Variants in ABI3BP observed in about 807,000 individuals in gnomAD.
ABI3BP encodes the protein ABI family member 3 binding protein, also known as target of Nesh-SH3.
ABI3BP carries 216 observed loss-of-function variants against 268.6 expected under a neutral mutation model. That is an observed-to-expected ratio of 0.80 (90% CI 0.72 to 0.90). The LOEUF is 0.90. Ranked by LOEUF, ABI3BP falls within the 40% of genes least tolerant of loss-of-function variation. ABI3BP has a pLI of 0.00. For missense variants in ABI3BP, 2,090 were observed against 2,182.4 expected (o/e 0.96, Z 0.84); for synonymous variants, 730 against 730.0 (o/e 1.00, Z 0.00).
chr3:100,884,324 C>A (rs2040857974), intron 6 of ABI3BP, among the ~76,000 whole-genome samples: 1 of 151,988 alleles, frequency 6.6e-6, no homozygotes, highest in South Asian at 2.1e-4. Context: ...CCTGCAATCT[C>A]TTTTTTGTAT....
At chr3:100,902,164 G>A (rs1437942476) in intron 3 of ABI3BP, among the ~76,000 whole-genome samples, 2 of 152,168 alleles carry the variant, frequency 1.3e-5, no homozygotes, top group Non-Finnish European at 2.9e-5. Context: ...CTTTTAAAAT[G>A]TAAACAGTCT....
At chr3:100,792,540 T>A in intron 55 of ABI3BP, 151 bp downstream of exon 55, 1 of 717,336 alleles carries the variant, frequency 1.4e-6, no homozygotes. Flanking sequence ...CATATGAGTA[T>A]TCAGATTTGG....
chr3:100,920,571 C>T (rs530342382), intron 2 of ABI3BP, among the ~76,000 whole-genome samples: 6 of 152,044 alleles, frequency 3.9e-5, no homozygotes, highest in African/African-American at 9.6e-5. Context: ...TACAGGCACC[C>T]GCCCCCATGC....
chr3:100,893,922 GAA>G (rs1358290675), intron 4 of ABI3BP, among the ~76,000 whole-genome samples: 1 of 152,138 alleles, frequency 6.6e-6, no homozygotes, highest in Non-Finnish European at 1.5e-5. Flanking sequence ...GGAAAGAAGA[GAA>G]GAGAGGTAAA....
intron 13 of ABI3BP, 40 bp from the exon 14 acceptor site, chr3:100,862,425 T>G: frequency 6.9e-7 from 1 of 1,455,938 alleles, no homozygotes; most frequent in African/African-American, 1.4e-5. Flanking sequence ...AGATTTTTTT[T>G]TTTTTTAACA....
chr3:100,935,593 ATTCTTCCT>A lies in ABI3BP; in HGVS notation c.80-9120_80-9113del, dbSNP rs1191869459. Among the ~76,000 whole-genome samples, 329 of 152,282 alleles carry A rather than the reference ATTCTTCCT, an allele frequency of 2.2e-3. 1 individual carries two copies. The highest frequency in any genetic ancestry group is 7.5e-3 in the African/African-American group (310 of 41,558). On this transcript the variant is annotated intron_variant, in intron 1 of 67. Coordinates refer to ENST00000471714, the MANE Select transcript of ABI3BP (RefSeq NM_001375547.2). ...CAGTATGGCCATTTTCACGATATTG[ATTCTTCCT>A]ATCCATGAGCACGGAATGTTTTTCC...
At chr3:100,962,271 C>T (rs1182672568) in intron 1 of ABI3BP, among the ~76,000 whole-genome samples, 1 of 152,146 alleles carries the variant, frequency 6.6e-6, no homozygotes, top group East Asian at 1.9e-4. Context: ...ACGTCAGCAC[C>T]CATCCCTCTC....
At chr3:100,892,971 G>C (rs1288717604) in intron 4 of ABI3BP, among the ~76,000 whole-genome samples, 1 of 152,224 alleles carries the variant, frequency 6.6e-6, no homozygotes, top group Non-Finnish European at 1.5e-5. Flanking sequence ...CTGTGAGGGT[G>C]TTGCCAAAAG....
rs563574565 is a variant in ABI3BP at position 100,806,301 on chromosome 3, A to T, written c.3683-1435T>A. Among the ~76,000 whole-genome samples the T allele has an allele frequency of 2.0e-5, 3 of 152,244 alleles. No individual in the cohort carries two copies. The South Asian group carries it at 6.2e-4, about 32-fold the overall frequency. ...GATGATATTACAGCCCAACAACAAT[A>T]GTTTGTATTGGTATCATGCATATAA... is the stretch of plus-strand genomic sequence containing the variant. On this transcript the variant is annotated intron_variant, in intron 50 of 67. Coordinates refer to ENST00000471714, the MANE Select transcript of ABI3BP (RefSeq NM_001375547.2).
chr3:100,862,812 T>G, intron 13 of ABI3BP, 26 bp downstream of exon 13: 1 of 1,462,572 alleles, frequency 6.8e-7, no homozygotes, highest in Non-Finnish European at 9.2e-7. Context: ...ACAGCCTTAA[T>G]ATTAAATTTA....
At chr3:100,902,397 C>T (rs979191658) in intron 3 of ABI3BP, among the ~76,000 whole-genome samples, 1 of 152,136 alleles carries the variant, frequency 6.6e-6, no homozygotes, top group African/African-American at 2.4e-5. Context: ...TTATGTAATT[C>T]CCTGCAGTTT....
At chr3:100,753,088 A>T (rs1286068008) in intron 65 of ABI3BP, 140 bp from the exon 66 acceptor site, 2 of 701,504 alleles carry the variant, frequency 2.9e-6, no homozygotes, top group Non-Finnish European at 4.6e-6. Flanking sequence ...TATTAGAGGG[A>T]TTTAAACAAG....
intron 2 of ABI3BP, among the ~76,000 whole-genome samples, chr3:100,920,559 A>T (rs2153609270): frequency 6.6e-6 from 1 of 152,032 alleles, no homozygotes; most frequent in South Asian, 2.1e-4. Context: ...AGTAGCTGGG[A>T]TTACAGGCAC....
chr3:100,830,698 A>G (rs1414487818), intron 31 of ABI3BP, 64 bp from the exon 32 acceptor site: 6 of 1,339,244 alleles, frequency 4.5e-6, no homozygotes, highest in African/African-American at 4.4e-5. Context: ...TGGAACATTC[A>G]TCTTACCACC....
At chr3:100,893,871 T>A (rs550799911) in intron 4 of ABI3BP, among the ~76,000 whole-genome samples, 1 of 152,092 alleles carries the variant, frequency 6.6e-6, no homozygotes, top group African/African-American at 2.4e-5. Flanking sequence ...ATGGGAAAGA[T>A]GGGATCATGA....
chr3:100,755,731 T>A (rs888519233), intron 63 of ABI3BP, among the ~76,000 whole-genome samples: 1 of 152,212 alleles, frequency 6.6e-6, no homozygotes, highest in Non-Finnish European at 1.5e-5. Flanking sequence ...TGCCTGAAAT[T>A]AAGATTTCCC....
At chr3:100,846,647 A>G in intron 19 of ABI3BP, 1 of 420,848 alleles carries the variant, frequency 2.4e-6, no homozygotes, top group Non-Finnish European at 4.2e-6. Context: ...CTTGTTTAGA[A>G]AAAACATTTC....
In ABI3BP at chr3:100,749,318, C is replaced by CAAACAAAAACTCAATCTTAAAAAA. The variant is rs2095192988; in HGVS notation, c.*1153_*1176dup. The CAAACAAAAACTCAATCTTAAAAAA allele has an allele frequency of 1.5e-5, 1 of 65,002 alleles. No homozygotes were observed. The highest frequency in any genetic ancestry group is 2.7e-5 in the Non-Finnish European group (1 of 36,412). 4.0% of individuals were successfully genotyped at this position (65,002 alleles called of 1,614,324 possible). On this transcript the variant is annotated 3_prime_UTR_variant, in exon 68 of 68. Coordinates refer to ENST00000471714, the MANE Select transcript of ABI3BP (RefSeq NM_001375547.2). Reference sequence around the variant, plus strand: ...ATACTGATGAACCATTCAGAAATAACAAACAAAAACTCAATCTTAAAAAAA... The same window carrying CAAACAAAAACTCAATCTTAAAAAA: ...ATACTGATGAACCATTCAGAAATAACAAACAAAAACTCAATCTTAAAAAAAAACAAAAACTCAATCTTAAAAAAA...
intron 20 of ABI3BP, among the ~76,000 whole-genome samples, 167 bp downstream of exon 20, chr3:100,846,205 T>A (rs189829305): frequency 3.0e-4 from 46 of 152,320 alleles, no homozygotes; most frequent in African/African-American, 9.9e-4. Flanking sequence ...TGCTGTGATA[T>A]CACAGTGGCT....
Sources: gnomAD v4.1 joint callset for allele counts (sites outside exome capture counted in the v4.1 genomes callset) on GRCh38, gnomAD v4.1.1 for gene constraint, MANE v1.5 for transcripts, NCBI Gene and HGNC (gene_info 2026-07-23, HGNC 2026-07-21) for gene names.